ELF5: variants seen among roughly 807,000 people sequenced by gnomAD.
ELF5 encodes the protein E74 like ETS transcription factor 5, also known as ETS-related transcription factor Elf-5.
A neutral mutation model predicts 38.2 loss-of-function variants in ELF5; 31 were observed. That is an observed-to-expected ratio of 0.81 (90% CI 0.61 to 1.10). ELF5 has a LOEUF of 1.10. Among genes scored for constraint, ELF5 ranks in the 50% least tolerant of loss-of-function variants. ELF5 has a pLI of 0.00. For synonymous variants in ELF5, 121 were observed against 112.5 expected (o/e 1.08, Z -0.48); for missense variants, 300 against 306.6 (o/e 0.98, Z 0.16).
intron 2 of ELF5, among the ~76,000 whole-genome samples, chr11:34,500,334 C>T (rs1850432082): frequency 6.6e-6 from 1 of 152,170 alleles, no homozygotes; most frequent in African/African-American, 2.4e-5. Context: ...AGCTTTGTCA[C>T]TGAAAGGAAG....
chr11:34,498,951 C>T (rs1480299991), intron 2 of ELF5, among the ~76,000 whole-genome samples: 1 of 151,892 alleles, frequency 6.6e-6, no homozygotes, highest in Admixed American at 6.6e-5. Flanking sequence ...AATTAGCGGG[C>T]GTGGTGGTGC....
At position 34,480,861 on chromosome 11, in the gene ELF5, C is replaced by A; in HGVS notation, c.582G>T (p.Arg194=). 6.2e-7 allele frequency: 1 copy of A among 1,614,058 alleles called. No homozygotes were observed. The change falls in exon 6 of 7, where the codon CGG becomes CGT. Residue 194 remains arginine (R), a synonymous_variant. Transcript: ENST00000257832. ...TTGCCAGGGCTTCCGATTTAACCAC[C>A]CGAAAAATTCCTTGTTCCCTATCTT... ...EWEDREQGIF[R]VVKSEALAKM...
At chr11:34,500,610 C>T (rs1176870214) in intron 2 of ELF5, among the ~76,000 whole-genome samples, 1 of 152,228 alleles carries the variant, frequency 6.6e-6, no homozygotes, top group African/African-American at 2.4e-5. Context: ...GGGGCCATGG[C>T]CACCCAGAAG....
intron 1 of ELF5, among the ~76,000 whole-genome samples, chr11:34,512,262 G>C (rs1010253722): frequency 6.8e-6 from 1 of 146,826 alleles, no homozygotes; most frequent in Non-Finnish European, 1.5e-5. Context: ...CCAATTTGCT[G>C]ACCTCTTGTC....
intron 2 of ELF5, among the ~76,000 whole-genome samples, chr11:34,495,372 G>A (rs1323447732): frequency 6.6e-6 from 1 of 152,188 alleles, no homozygotes; most frequent in African/African-American, 2.4e-5. Context: ...AGTTGCTGAT[G>A]ATTCCAGGCA....
chr11:34,487,454 C>G (rs1384508500), intron 4 of ELF5, among the ~76,000 whole-genome samples: 1 of 152,206 alleles, frequency 6.6e-6, no homozygotes, highest in Non-Finnish European at 1.5e-5. Flanking sequence ...CCACCATCAT[C>G]ATCACTCCTC....
At chr11:34,504,895 T>G (rs1432013420) in intron 2 of ELF5, among the ~76,000 whole-genome samples, 2 of 152,144 alleles carry the variant, frequency 1.3e-5, no homozygotes, top group Admixed American at 1.3e-4. Flanking sequence ...TGGGGAACAG[T>G]GAGGGGCTCA....
Position 34,480,248 on chromosome 11 carries a change from A to G in ELF5, c.738T>C (p.Asn246=). The G allele has an allele frequency of 1.2e-6, 2 of 1,614,060 alleles. No homozygotes were observed. Among genetic ancestry groups the G allele is most frequent in the South Asian group, 1.1e-5 (1 of 91,086 alleles). ...DRRLVYKFGK[N]AHGWQEDKL ...GCTTGTCTTCCTGCCACCCGTGTGC[A>G]TTTTTTCCAAATTTGTACACTAACC... Residue 246 remains asparagine (N), a synonymous_variant, in exon 7 of 7, where the codon AAT becomes AAC. Coordinates refer to ENST00000257832, the MANE Select transcript of ELF5 (RefSeq NM_001422.4).
intron 1 of ELF5, among the ~76,000 whole-genome samples, chr11:34,510,118 A>T (rs575716992): frequency 1.3e-4 from 20 of 152,260 alleles, no homozygotes; most frequent in African/African-American, 4.8e-4. Flanking sequence ...ATACCGGCCT[A>T]CTCACTTGAT....
At chr11:34,509,744 C>A (rs1485866428) in intron 1 of ELF5, among the ~76,000 whole-genome samples, 1 of 152,158 alleles carries the variant, frequency 6.6e-6, no homozygotes, top group Admixed American at 6.5e-5. Context: ...TAAGTGAGGG[C>A]TGAAGACAAA....
At chr11:34,486,391 A>G (rs1030195221) in intron 4 of ELF5, among the ~76,000 whole-genome samples, 2 of 152,152 alleles carry the variant, frequency 1.3e-5, no homozygotes, top group African/African-American at 4.8e-5. Context: ...CAGCTCTGAC[A>G]GTTTTGTAGC....
At chr11:34,510,778 G>A (rs1453868058) in intron 1 of ELF5, among the ~76,000 whole-genome samples, 1 of 152,118 alleles carries the variant, frequency 6.6e-6, no homozygotes, top group Non-Finnish European at 1.5e-5. Flanking sequence ...TTTCTGGTGG[G>A]GAGATGATTA....
intron 2 of ELF5, among the ~76,000 whole-genome samples, chr11:34,496,695 ACCAGGAGTG>A (rs1850329995): frequency 6.6e-6 from 1 of 152,124 alleles, no homozygotes; most frequent in Non-Finnish European, 1.5e-5. Context: ...CTCGCCCTGA[ACCAGGAGTG>A]CTTGGAGCCT....
At chr11:34,506,639 G>A (rs961823220) in intron 1 of ELF5, among the ~76,000 whole-genome samples, 14 of 151,926 alleles carry the variant, frequency 9.2e-5, no homozygotes, top group Admixed American at 3.3e-4. Context: ...TCCACCTCCC[G>A]AGTAGCTGGG....
At chr11:34,505,841 G>A in intron 1 of ELF5, 88 bp from the exon 2 acceptor site, 3 of 1,454,350 alleles carry the variant, frequency 2.1e-6, no homozygotes, top group Non-Finnish European at 2.7e-6. Flanking sequence ...GGCGATACTT[G>A]TTTTTTAAAA....
chr11:34,482,441 A>G lies in ELF5; in HGVS notation c.465T>C (p.His155=), dbSNP rs1336775640. ...SGIKSQDCHS[H]SRTSLQSSHL... is the part of the protein sequence containing the mutation. ...GCATCCTGCACTTACTTGTTCTACT[A>G]TGACTGTGACAGTCTTGACTTTTGA... Residue 155 remains histidine, a synonymous_variant, in exon 5 of 7, where the codon CAT becomes CAC. Coordinates refer to ENST00000257832, the MANE Select transcript of ELF5 (RefSeq NM_001422.4). 6.2e-7 allele frequency: 1 copy of G among 1,613,406 alleles called. No individual in the cohort carries two copies. The highest frequency in any genetic ancestry group is 1.3e-5 in the African/African-American group (1 of 74,918).
At chr11:34,487,147 A>G (rs567734113) in intron 4 of ELF5, among the ~76,000 whole-genome samples, 2 of 151,646 alleles carry the variant, frequency 1.3e-5, no homozygotes, top group East Asian at 3.9e-4. Flanking sequence ...GGAGAGCCAG[A>G]GATGGTCCTC....
rs535085044 is a variant in ELF5 at position 34,512,040 on chromosome 11, C to T, written c.-5+1637G>A. On this transcript the variant is annotated intron_variant, in intron 1 of 6. Coordinates refer to ENST00000257832, the MANE Select transcript of ELF5 (RefSeq NM_001422.4). Reference sequence around the variant, plus strand: ...ATCATTGGGAAGAAAATCGGTTTTCCTTCCTTAAAGCCTCAGTGATACCCA... The same window carrying T: ...ATCATTGGGAAGAAAATCGGTTTTCTTTCCTTAAAGCCTCAGTGATACCCA... 1.4e-4 allele frequency among the ~76,000 whole-genome samples: 21 copies of T among 152,272 alleles called. No individual in the cohort carries two copies. The South Asian group carries it at 3.5e-3, about 26-fold the overall frequency.
Position 34,480,950 on chromosome 11 carries a change from G to C in ELF5, c.493C>G (p.Leu165Val). 1.2e-6 allele frequency: 2 copies of C among 1,611,190 alleles called. No homozygotes were observed. The highest frequency in any genetic ancestry group is 1.7e-6 in the Non-Finnish European group (2 of 1,178,906). ...HSRTSLQSSH[L>V]WEFVRDLLLS... ...AGCAGGTCTCGTACAAATTCCCATAGATGAGAACTTTGGAGGCCTTTTGAA... is the reference window on the plus strand; with the variant it reads ...AGCAGGTCTCGTACAAATTCCCATACATGAGAACTTTGGAGGCCTTTTGAA... The change falls in exon 6 of 7, where the codon CTA (leucine) becomes GTA (valine). Residue 165 changes from leucine to valine, a missense_variant. Leu to Val is a conservative substitution (Grantham distance 32, BLOSUM62 1). Transcript: ENST00000257832.
Sources: allele counts gnomAD v4.1 joint callset (sites outside exome capture counted in the v4.1 genomes callset), GRCh38; gene constraint gnomAD v4.1.1; transcripts MANE v1.5; gene names NCBI Gene and HGNC (gene_info 2026-07-23, HGNC 2026-07-21).